SDR42E2: variants seen among roughly 807,000 people sequenced by gnomAD.
The protein encoded by SDR42E2 is short chain dehydrogenase/reductase family 42E, member 2.
A neutral mutation model predicts 10.5 loss-of-function variants in SDR42E2; 20 were observed. The ratio of observed to expected loss-of-function variants is 1.90; its 90% CI spans 1.34 to 2.77. SDR42E2 has a LOEUF of 2.77. SDR42E2 is among the 30% of genes most tolerant of loss of function. The pLI, the probability that SDR42E2 is intolerant of heterozygous loss-of-function variation, is 0.00. For missense variants in SDR42E2, 162 were observed against 104.2 expected, an observed-to-expected ratio of 1.55 and a Z score of -2.42; for synonymous variants, 72 against 39.2, an observed-to-expected ratio of 1.84 and a Z score of -3.12.
chr16:22,167,475 G>A (rs1474174025), intron 4 of SDR42E2, among the ~76,000 whole-genome samples: 2 of 152,000 alleles, frequency 1.3e-5, no homozygotes, highest in African/African-American at 2.4e-5. Context: ...AGGAGCCACC[G>A]CACCCGGCCC....
rs971877962 is a variant in SDR42E2 at position 22,191,743 on chromosome 16, T to C, written c.*1350T>C. ...CGATGAAGTACCAATAAAGCTATAA[T>C]GGGAAAAATAGAGTTTAGTTGGTTA... is the stretch of plus-strand genomic sequence containing the variant. On this transcript the variant is annotated 3_prime_UTR_variant, in exon 13 of 13. Coordinates refer to ENST00000602312, the MANE Select transcript of SDR42E2 (RefSeq NM_001394319.2). The C allele has an allele frequency of 5.3e-5, 8 of 152,024 alleles. No homozygotes were observed. The allele number at this position is 152,024 out of a possible 1,614,324, so 9.4% of individuals were successfully genotyped here. A position where few individuals can be genotyped will look rare whatever the true frequency, so the allele number is the denominator to read the frequency against.
Position 22,190,616 on chromosome 16 carries a change from T to G in SDR42E2, c.*223T>G, listed in dbSNP as rs1394221977. On this transcript the variant is annotated 3_prime_UTR_variant, in exon 13 of 13. Transcript: ENST00000602312. ...ACTCCCAGACCTTGCCTTGCGCCCT[T>G]CCTGTGTTTTGGCCCCGCCCCTGTC... The G allele has an allele frequency of 7.7e-6, 3 of 390,590 alleles. No individual in the cohort carries two copies. The highest frequency in any genetic ancestry group is 6.3e-5 in the African/African-American group (3 of 47,762). The allele number at this position is 390,590 out of a possible 1,614,324, so 24.2% of individuals were successfully genotyped here. A position where few individuals can be genotyped will look rare whatever the true frequency, so the allele number is the denominator to read the frequency against.
rs148782622 is a variant in SDR42E2, at chr16:22,179,429, G to C, written c.672+1217G>C. Among the ~76,000 whole-genome samples the C allele has an allele frequency of 3.0e-3, 458 of 152,274 alleles. 6 individuals carry two copies. Among genetic ancestry groups the C allele is most frequent in the Middle Eastern group, 0.017 (5 of 294 alleles). On this transcript the variant is annotated intron_variant, in intron 8 of 12. Coordinates refer to ENST00000602312, the MANE Select transcript of SDR42E2 (RefSeq NM_001394319.2). Reference sequence around the variant, plus strand: ...TGCCCCGCACTGTTCTAGGTTTGAGGACAGATCAGTGAACAAAACAGATGA... The same window carrying C: ...TGCCCCGCACTGTTCTAGGTTTGAGCACAGATCAGTGAACAAAACAGATGA...
At chr16:22,183,070 C>T (rs9933687) in intron 10 of SDR42E2, among the ~76,000 whole-genome samples, 15,438 of 152,090 alleles carry the variant, frequency 0.1, 1,008 homozygotes, top group East Asian at 0.29. Flanking sequence ...CCTTGAGGGG[C>T]GCCATGTGTT....
intron 11 of SDR42E2, among the ~76,000 whole-genome samples, chr16:22,184,456 G>C (rs2046721387): frequency 6.6e-6 from 1 of 152,140 alleles, no homozygotes; most frequent in South Asian, 2.1e-4. Flanking sequence ...ACAAAAATCA[G>C]CCGGGTGTGG....
chr16:22,169,568 G>T (rs1057037024), intron 5 of SDR42E2, 66 bp downstream of exon 5: 1 of 702,812 alleles, frequency 1.4e-6, no homozygotes, highest in Non-Finnish European at 2.6e-6. Flanking sequence ...CCTGCTGCAG[G>T]CCTGGCTCCC....
chr16:22,174,870 C>A (rs2046631662), intron 7 of SDR42E2, among the ~76,000 whole-genome samples: 1 of 152,102 alleles, frequency 6.6e-6, no homozygotes, highest in Admixed American at 6.6e-5. Context: ...GCCCAGGTGA[C>A]CCAGAGTTTA....
intron 9 of SDR42E2, 35 bp from the exon 10 acceptor site, chr16:22,182,177 A>C (rs886474119): frequency 1.5e-5 from 6 of 406,252 alleles, no homozygotes; most frequent in Non-Finnish European, 2.6e-5. Flanking sequence ...TGCTGGGGAG[A>C]AGGCTGACCG....
chr16:22,174,853 C>T (rs1271226254), intron 7 of SDR42E2, among the ~76,000 whole-genome samples: 1 of 152,148 alleles, frequency 6.6e-6, no homozygotes, highest in Non-Finnish European at 1.5e-5. Context: ...CGACCTCCCC[C>T]CACTATGCCC....
At chr16:22,184,511 A>G (rs2046721929) in intron 11 of SDR42E2, among the ~76,000 whole-genome samples, 1 of 152,150 alleles carries the variant, frequency 6.6e-6, no homozygotes. Context: ...CTGAGGCAGG[A>G]GAATTGCTGT....
chr16:22,169,133 C>T (rs1383699106), intron 4 of SDR42E2, among the ~76,000 whole-genome samples: 3 of 152,214 alleles, frequency 2.0e-5, no homozygotes, highest in Non-Finnish European at 4.4e-5. Flanking sequence ...CTGAGCCCAT[C>T]TTCTGTGCCA....
At chr16:22,183,350 G>C (rs1237444022) in intron 10 of SDR42E2, among the ~76,000 whole-genome samples, 4 of 152,168 alleles carry the variant, frequency 2.6e-5, no homozygotes, top group Non-Finnish European at 5.9e-5. Flanking sequence ...ATGTTGGCCA[G>C]GCTGATCTCG....
intron 11 of SDR42E2, among the ~76,000 whole-genome samples, chr16:22,184,899 G>A (rs2046725463): frequency 6.6e-6 from 1 of 152,176 alleles, no homozygotes; most frequent in Non-Finnish European, 1.5e-5. Context: ...ATGCGGGAGA[G>A]GCGGAGAGGC....
chr16:22,182,441 G>A (rs1184497786), intron 10 of SDR42E2, among the ~76,000 whole-genome samples, 164 bp downstream of exon 10: 1 of 152,038 alleles, frequency 6.6e-6, no homozygotes, highest in Non-Finnish European at 1.5e-5. Flanking sequence ...TCCCCTCCCA[G>A]GTTCAAGCAA....
At chr16:22,179,843 C>A (rs2046678016) in intron 8 of SDR42E2, among the ~76,000 whole-genome samples, 1 of 147,958 alleles carries the variant, frequency 6.8e-6, no homozygotes, top group Non-Finnish European at 1.5e-5. Context: ...AGATTCCAGG[C>A]ACTGTGGAGA....
rs144021769 is a variant in SDR42E2 at position 22,166,371 on chromosome 16, C to A, written c.177C>A (p.Ser59=). ...CCCACCTAGCCAAGAGCGGCACTTCCGTCATTCTGCTTGACCGCCGCAGAC... is the reference window on the plus strand; with the variant it reads ...CCCACCTAGCCAAGAGCGGCACTTCAGTCATTCTGCTTGACCGCCGCAGAC... ...LGSHLAKSGT[S]VILLDRRRPQ... The change falls in exon 3 of 13, where the codon TCC becomes TCA. Residue 59 remains serine, a synonymous_variant. Transcript: ENST00000602312. 13 of 402,534 alleles carry A rather than the reference C, an allele frequency of 3.2e-5. No individual in the cohort carries two copies. The highest frequency in any genetic ancestry group is 5.7e-5 in the Non-Finnish European group (13 of 227,212). 24.9% of individuals were successfully genotyped at this position (402,534 alleles called of 1,614,324 possible).
chr16:22,180,705 A>G (rs1307743990), intron 8 of SDR42E2, among the ~76,000 whole-genome samples: 1 of 151,934 alleles, frequency 6.6e-6, no homozygotes, highest in Non-Finnish European at 1.5e-5. Context: ...CTAAAAAACT[A>G]TGAAAGAATC....
intron 10 of SDR42E2, among the ~76,000 whole-genome samples, chr16:22,183,097 T>C (rs1177534211): frequency 6.6e-6 from 1 of 152,142 alleles, no homozygotes; most frequent in Non-Finnish European, 1.5e-5. Context: ...TTACCTGCAG[T>C]TCCCTTCCAC....
At chr16:22,185,425 T>C (rs1394523095) in intron 11 of SDR42E2, among the ~76,000 whole-genome samples, 4 of 152,142 alleles carry the variant, frequency 2.6e-5, no homozygotes, top group Non-Finnish European at 5.9e-5. Context: ...CCACGGCCGA[T>C]GGCACTTGGA....
Sources: gnomAD v4.1 joint callset for allele counts (sites outside exome capture counted in the v4.1 genomes callset) on GRCh38, gnomAD v4.1.1 for gene constraint, MANE v1.5 for transcripts, NCBI Gene and HGNC (gene_info 2026-07-23, HGNC 2026-07-21) for gene names.